Variants in XXYLT1 observed in about 807,000 individuals in gnomAD.
XXYLT1 encodes the protein xyloside xylosyltransferase 1.
XXYLT1 carries 20 observed loss-of-function variants against 28.9 expected under a neutral mutation model. The observed-to-expected ratio is 0.69, with a 90% CI of 0.49 to 1.00. XXYLT1 has a LOEUF of 1.00. Among genes scored for constraint, XXYLT1 ranks in the 50% least tolerant of loss-of-function variants. XXYLT1 has a pLI of 0.00. For missense variants in XXYLT1, 542 were observed against 560.1 expected (o/e 0.97, Z 0.33); for synonymous variants, 257 against 253.8 (o/e 1.01, Z -0.12).
At chr3:195,242,875 T>C (rs1937097081) in intron 1 of XXYLT1, among the ~76,000 whole-genome samples, 1 of 152,212 alleles carries the variant, frequency 6.6e-6, no homozygotes, top group African/African-American at 2.4e-5. Flanking sequence ...ACCCAGTTTC[T>C]AATGGCTGGC....
chr3:195,153,180 A>G (rs1388128820), intron 3 of XXYLT1, among the ~76,000 whole-genome samples: 12 of 151,966 alleles, frequency 7.9e-5, no homozygotes, highest in Non-Finnish European at 2.9e-5. Context: ...CCCTAGCCCC[A>G]CTGCCAGCCA....
At chr3:195,138,717 T>C (rs929945107) in intron 3 of XXYLT1, among the ~76,000 whole-genome samples, 3 of 151,598 alleles carry the variant, frequency 2.0e-5, no homozygotes, top group Non-Finnish European at 4.4e-5. Flanking sequence ...TAACCAGGCA[T>C]GGTGGCGGGT....
chr3:195,188,835 C>T (rs1177681633), intron 2 of XXYLT1, among the ~76,000 whole-genome samples: 1 of 152,324 alleles, frequency 6.6e-6, no homozygotes, highest in East Asian at 1.9e-4. Context: ...ACATTAAGCA[C>T]TTACACAAAA....
chr3:195,190,376 T>C (rs1722366756), intron 2 of XXYLT1, among the ~76,000 whole-genome samples: 1 of 151,340 alleles, frequency 6.6e-6, no homozygotes, highest in African/African-American at 2.4e-5. Flanking sequence ...GCACCTGTAG[T>C]CTCAGCTACA....
chr3:195,080,944 G>A (rs115237642), intron 3 of XXYLT1, among the ~76,000 whole-genome samples: 5,094 of 152,282 alleles, frequency 0.033, 286 homozygotes, highest in African/African-American at 0.12. Context: ...AAAGTGGAGC[G>A]CCCTCCCATT....
At chr3:195,113,769 G>C in intron 3 of XXYLT1, among the ~76,000 whole-genome samples, 1 of 151,626 alleles carries the variant, frequency 6.6e-6, no homozygotes, top group East Asian at 1.9e-4. Flanking sequence ...AAGGGGTGTG[G>C]CCAGGAGAAA....
At chr3:195,086,413 A>C (rs1715731209) in intron 3 of XXYLT1, among the ~76,000 whole-genome samples, 1 of 152,196 alleles carries the variant, frequency 6.6e-6, no homozygotes, top group Non-Finnish European at 1.5e-5. Flanking sequence ...CCTGGAACAG[A>C]GGCTGTTTCC....
rs1717223640 is a variant in XXYLT1 at position 195,107,664 on chromosome 3, A to G, written c.786-37553T>C. Among the ~76,000 whole-genome samples, 3 of 39,532 alleles carry G rather than the reference A, an allele frequency of 7.6e-5. 1 individual carries two copies. Among genetic ancestry groups the G allele is most frequent in the African/African-American group, 3.9e-4 (3 of 7,600 alleles). The allele number at this position is 39,532 out of a possible 152,430, so 25.9% of individuals were successfully genotyped here. A position where few individuals can be genotyped will look rare whatever the true frequency, so the allele number is the denominator to read the frequency against. On this transcript the variant is annotated intron_variant, in intron 3 of 3. Transcript: ENST00000310380. ...GAGGAGGAGGAGGAGGAGGGGGAGG[A>G]GGAAGGGGAGGAGAGCCACAAGTGC...
intron 1 of XXYLT1, among the ~76,000 whole-genome samples, chr3:195,249,655 C>T (rs1239068416): frequency 1.3e-5 from 2 of 152,242 alleles, no homozygotes; most frequent in Non-Finnish European, 2.9e-5. Flanking sequence ...AGAACACACT[C>T]AACCTTTCAG....
intron 3 of XXYLT1, among the ~76,000 whole-genome samples, chr3:195,105,555 ATG>A (rs1380619848): frequency 6.6e-6 from 1 of 152,276 alleles, no homozygotes; most frequent in Non-Finnish European, 1.5e-5. Flanking sequence ...GTTCAAAGGT[ATG>A]TGAGTGTTGA....
chr3:195,146,269 A>G (rs1030339719), intron 3 of XXYLT1, among the ~76,000 whole-genome samples: 2 of 152,224 alleles, frequency 1.3e-5, no homozygotes, highest in Non-Finnish European at 2.9e-5. Flanking sequence ...CTGGGATTCA[A>G]CTGTGCTATT....
chr3:195,122,789 G>A (rs748722870), intron 3 of XXYLT1, among the ~76,000 whole-genome samples: 4 of 152,220 alleles, frequency 2.6e-5, no homozygotes, highest in Non-Finnish European at 4.4e-5. Flanking sequence ...CGCTCCCCTT[G>A]GTGGCTCAGC....
chr3:195,242,952 C>T (rs985115915), intron 1 of XXYLT1, among the ~76,000 whole-genome samples: 2 of 152,096 alleles, frequency 1.3e-5, no homozygotes, highest in Non-Finnish European at 2.9e-5. Context: ...AGAGATGGTT[C>T]GGCAACCCAA....
chr3:195,163,232 C>T (rs980648241), intron 2 of XXYLT1, among the ~76,000 whole-genome samples: 5 of 152,188 alleles, frequency 3.3e-5, no homozygotes, highest in African/African-American at 9.6e-5. Context: ...CACAGTGCAA[C>T]TTTTCAAATT....
intron 2 of XXYLT1, among the ~76,000 whole-genome samples, chr3:195,165,867 A>G (rs914891299): frequency 6.6e-6 from 1 of 152,190 alleles, no homozygotes; most frequent in African/African-American, 2.4e-5. Flanking sequence ...TATCTCAGGT[A>G]CTGGACTACA....
chr3:195,266,680 T>C lies in XXYLT1; in HGVS notation c.504+3875A>G, dbSNP rs11921659. Among the ~76,000 whole-genome samples, 1,205 of 152,256 alleles carry C rather than the reference T, an allele frequency of 7.9e-3. 11 individuals are homozygous for C. Among genetic ancestry groups the C allele is most frequent in the African/African-American group, 0.026 (1,073 of 41,538 alleles). On this transcript the variant is annotated intron_variant, in intron 1 of 3. Transcript: ENST00000310380. ...AAGGTTACCCAGAGGACAGGATGCC[T>C]GAACTGGGTCTTAGAGACCAGCAGG... is the stretch of plus-strand genomic sequence containing the variant.
At chr3:195,203,820 C>T (rs1722952922) in intron 2 of XXYLT1, among the ~76,000 whole-genome samples, 1 of 152,184 alleles carries the variant, frequency 6.6e-6, no homozygotes, top group African/African-American at 2.4e-5. Flanking sequence ...CTGAGGTCAT[C>T]AAGCAACTTG....
At chr3:195,184,142 A>C (rs1030270768) in intron 2 of XXYLT1, among the ~76,000 whole-genome samples, 2 of 152,248 alleles carry the variant, frequency 1.3e-5, no homozygotes, top group Non-Finnish European at 2.9e-5. Context: ...CAACCATCAG[A>C]GCAAGATACA....
chr3:195,186,606 T>C (rs1002858449), intron 2 of XXYLT1, among the ~76,000 whole-genome samples: 1 of 152,062 alleles, frequency 6.6e-6, no homozygotes, highest in South Asian at 2.1e-4. Context: ...AGGAAGTCTT[T>C]AGTAACAATC....
Sources: gnomAD v4.1 joint callset for allele counts (sites outside exome capture counted in the v4.1 genomes callset) on GRCh38, gnomAD v4.1.1 for gene constraint, MANE v1.5 for transcripts, NCBI Gene and HGNC (gene_info 2026-07-23, HGNC 2026-07-21) for gene names.